Variants in ARHGAP39 observed in about 807,000 individuals in gnomAD.
ARHGAP39 encodes the protein Rho GTPase activating protein 39, also known as rho GTPase-activating protein 39.
Under a neutral mutation model 106.9 loss-of-function variants are expected in ARHGAP39, and 44 were observed. The observed-to-expected ratio is 0.41, with a 90% CI of 0.32 to 0.53. The LOEUF (loss-of-function observed/expected upper bound fraction) is 0.53. Ranked by LOEUF, ARHGAP39 falls within the 20% of genes least tolerant of loss-of-function variation. The probability of loss-of-function intolerance (pLI) is 0.21; values close to 1 mark genes in which losing one functional copy is unlikely to be tolerated. For synonymous variants in ARHGAP39, 768 were observed against 693.2 expected (o/e 1.11, Z -1.69); for missense variants, 1,496 against 1,577.3 (o/e 0.95, Z 0.87).
intron 6 of ARHGAP39, among the ~76,000 whole-genome samples, chr8:144,539,930 A>G (rs57404329): frequency 0.026 from 3,975 of 152,334 alleles, 154 homozygotes; most frequent in African/African-American, 0.087. Context: ...AAAACAAAAA[A>G]AAGTGGTACA....
At chr8:144,620,239 G>A (rs1820765951) in intron 1 of ARHGAP39, among the ~76,000 whole-genome samples, 1 of 149,606 alleles carries the variant, frequency 6.7e-6, no homozygotes, top group Admixed American at 6.6e-5. Flanking sequence ...GTGTGCCCGT[G>A]TCTGTTAGCC....
At chr8:144,660,540 T>C (rs1821796634) in intron 1 of ARHGAP39, among the ~76,000 whole-genome samples, 1 of 152,152 alleles carries the variant, frequency 6.6e-6, no homozygotes, top group Non-Finnish European at 1.5e-5. Flanking sequence ...TATTTAATAC[T>C]CAGTCTTGCA....
chr8:144,639,183 C>T (rs556698311), intron 1 of ARHGAP39, among the ~76,000 whole-genome samples: 120 of 151,808 alleles, frequency 7.9e-4, no homozygotes, highest in African/African-American at 2.9e-3. Context: ...AAAAATTAGC[C>T]GGGCATGGTG....
At chr8:144,661,500 A>G (rs577473972) in intron 1 of ARHGAP39, among the ~76,000 whole-genome samples, 1 of 152,188 alleles carries the variant, frequency 6.6e-6, no homozygotes, top group South Asian at 2.1e-4. Flanking sequence ...ACCTGCCGCT[A>G]AACACATTCA....
Position 144,598,906 on chromosome 8 carries a change from A to G in ARHGAP39, c.80+6629T>C, listed in dbSNP as rs562210487. On this transcript the variant is annotated intron_variant, in intron 2 of 11. Transcript: ENST00000377307. ...CTCATGTCTTTAATATATAAATTTGAGCATGAAAAGATAAAAAATACTATA... is the reference window on the plus strand; with the variant it reads ...CTCATGTCTTTAATATATAAATTTGGGCATGAAAAGATAAAAAATACTATA... Among the ~76,000 whole-genome samples the G allele has an allele frequency of 4.6e-5, 7 of 152,374 alleles. No homozygotes were observed. The East Asian group carries it at 1.3e-3, about 29-fold the overall frequency.
intron 1 of ARHGAP39, among the ~76,000 whole-genome samples, chr8:144,669,922 G>A (rs781565886): frequency 2.4e-4 from 36 of 152,222 alleles, no homozygotes; most frequent in Non-Finnish European, 4.6e-4. Context: ...CTGTGGAAAC[G>A]TAGGACGGGG....
chr8:144,675,889 G>A (rs1180240026), intron 1 of ARHGAP39, among the ~76,000 whole-genome samples: 1 of 152,196 alleles, frequency 6.6e-6, no homozygotes, highest in Admixed American at 6.5e-5. Context: ...CTGGCTTCAG[G>A]AGTGAAGCTG....
In ARHGAP39 at chr8:144,591,876, C is replaced by T. The variant is rs989030596; in HGVS notation, c.81-10599G>A. 4.6e-5 allele frequency among the ~76,000 whole-genome samples: 7 copies of T among 152,100 alleles called. No homozygotes were observed. Among genetic ancestry groups the T allele is most frequent in the African/African-American group, 1.2e-4 (5 of 41,430 alleles). On this transcript the variant is annotated intron_variant, in intron 2 of 11. Coordinates refer to ENST00000377307, the MANE Select transcript of ARHGAP39 (RefSeq NM_025251.3). The surrounding 1 kb of genome is among the most constrained non-coding windows in gnomAD (Gnocchi z 5.3). Reference sequence around the variant, plus strand: ...GGATGGCGGCGTCGCCTCGTCGCCTCGTGCCTGCGGGGAGTGCTGCCTGTG... The same window carrying T: ...GGATGGCGGCGTCGCCTCGTCGCCTTGTGCCTGCGGGGAGTGCTGCCTGTG...
chr8:144,549,177 C>A (rs1196439955), intron 4 of ARHGAP39, among the ~76,000 whole-genome samples: 1 of 152,282 alleles, frequency 6.6e-6, no homozygotes, highest in African/African-American at 2.4e-5. Flanking sequence ...CTGGGCAGCA[C>A]TGCGGGGCAG....
intron 3 of ARHGAP39, among the ~76,000 whole-genome samples, chr8:144,565,699 G>T (rs943248835): frequency 3.3e-5 from 5 of 151,930 alleles, no homozygotes; most frequent in Middle Eastern, 3.4e-3. Context: ...AAAAACAAAA[G>T]AAAAGAAAAT....
chr8:144,602,362 G>A (rs1240625525), intron 2 of ARHGAP39, among the ~76,000 whole-genome samples: 4 of 142,116 alleles, frequency 2.8e-5, no homozygotes, highest in East Asian at 4.4e-4. Context: ...TGTGCATGGA[G>A]GTGTGTGTGC....
intron 1 of ARHGAP39, among the ~76,000 whole-genome samples, chr8:144,652,905 C>T (rs1402762406): frequency 6.6e-6 from 1 of 151,860 alleles, no homozygotes; most frequent in Non-Finnish European, 1.5e-5. Flanking sequence ...ATGTACCCCC[C>T]CGAATCTAAA....
chr8:144,640,998 T>C (rs946013773), intron 1 of ARHGAP39, among the ~76,000 whole-genome samples: 1 of 152,226 alleles, frequency 6.6e-6, no homozygotes, highest in African/African-American at 2.4e-5. Context: ...TCTTCATCTA[T>C]ATAGACATTA....
chr8:144,576,332 C>CAAAAAAAAAA (rs67038997), intron 3 of ARHGAP39, among the ~76,000 whole-genome samples: 1 of 63,810 alleles, frequency 1.6e-5, no homozygotes, highest in Non-Finnish European at 3.0e-5. Flanking sequence ...GACTCCGTCT[C>CAAAAAAAAAA]AAAAAAAAAA....
At chr8:144,663,023 G>A (rs1027555411) in intron 1 of ARHGAP39, among the ~76,000 whole-genome samples, 6 of 136,386 alleles carry the variant, frequency 4.4e-5, no homozygotes, top group South Asian at 2.4e-4. Context: ...ACTTTGGGCC[G>A]CTCCTCACCT....
chr8:144,643,214 C>T (rs1821355607), intron 1 of ARHGAP39, among the ~76,000 whole-genome samples: 2 of 152,222 alleles, frequency 1.3e-5, no homozygotes, highest in South Asian at 2.1e-4. Context: ...GTAATTGTAG[C>T]ACTTTGGGAG....
rs928075084 is a variant in ARHGAP39 at position 144,534,109 on chromosome 8, C to G, written c.2688+20G>C. Reference sequence around the variant, plus strand: ...CTGTGTCCCCGCCTGCCCTCCCCGGCCCCCCAGGCGCACCCGTACCTTCTT... The same window carrying G: ...CTGTGTCCCCGCCTGCCCTCCCCGGGCCCCCAGGCGCACCCGTACCTTCTT... On this transcript the variant is annotated intron_variant, in intron 8 of 11. Transcript: ENST00000377307. 1 of 1,609,920 alleles carries G rather than the reference C, an allele frequency of 6.2e-7. No individual in the cohort carries two copies. The highest frequency in any genetic ancestry group is 1.7e-5 in the Admixed American group (1 of 59,788).
chr8:144,663,481 C>T (rs1451846073), intron 1 of ARHGAP39, among the ~76,000 whole-genome samples: 1 of 152,138 alleles, frequency 6.6e-6, no homozygotes, highest in African/African-American at 2.4e-5. Flanking sequence ...GAGGGAGCCA[C>T]CCCATGTCTC....
chr8:144,617,673 T>C (rs960559432), intron 1 of ARHGAP39, among the ~76,000 whole-genome samples: 3 of 152,236 alleles, frequency 2.0e-5, no homozygotes, highest in African/African-American at 2.4e-5. Flanking sequence ...GAGGTTTTTG[T>C]TCTTTTAATC....
Sources: allele counts gnomAD v4.1 joint callset (sites outside exome capture counted in the v4.1 genomes callset), GRCh38; gene constraint gnomAD v4.1.1; non-coding constraint Gnocchi (gnomAD v3.1); transcripts MANE v1.5; gene names NCBI Gene and HGNC (gene_info 2026-07-23, HGNC 2026-07-21).